The following ATXN1 variants were observed in gnomAD, a reference collection of about 807,000 sequenced individuals.
ATXN1 encodes ataxin 1.
In ATXN1, 8 loss-of-function variants were observed where a neutral mutation model predicts 56.4. The observed-to-expected ratio is 0.14, with a 90% CI of 0.08 to 0.26. The LOEUF is 0.26. ATXN1 is among the 10% of genes least tolerant of loss of function. ATXN1 has a pLI of 1.00. For synonymous variants in ATXN1, 514 were observed against 494.6 expected, an observed-to-expected ratio of 1.04 and a Z score of -0.52; for missense variants, 987 against 1,106.5, an observed-to-expected ratio of 0.89 and a Z score of 1.53.
At chr6:16,477,356 T>C (rs953511851) in intron 6 of ATXN1, among the ~76,000 whole-genome samples, 2 of 152,234 alleles carry the variant, frequency 1.3e-5, no homozygotes, top group African/African-American at 2.4e-5. Context: ...ATCCACAGTA[T>C]TTCTATGTTC....
Position 16,306,040 on chromosome 6 carries a change from G to T in ATXN1, c.*289C>A. The T allele has an allele frequency of 3.5e-6, 1 of 282,610 alleles. No individual in the cohort carries two copies. The highest frequency in any genetic ancestry group is 6.8e-6 in the Non-Finnish European group (1 of 147,540). The allele number at this position is 282,610 out of a possible 1,614,324, so 17.5% of individuals were successfully genotyped here. A position where few individuals can be genotyped will look rare whatever the true frequency, so the allele number is the denominator to read the frequency against. Reference sequence around the variant, plus strand: ...GCCCCCGGCTGCTTCTGTGCCGCTAGAGAAGGCAGGCACTGTGAAGCCCCG... The same window carrying T: ...GCCCCCGGCTGCTTCTGTGCCGCTATAGAAGGCAGGCACTGTGAAGCCCCG... On this transcript the variant is annotated 3_prime_UTR_variant, in exon 8 of 8. Transcript: ENST00000436367. The surrounding 1 kb of genome is among the most constrained non-coding windows in gnomAD (Gnocchi z 5.2).
At chr6:16,545,862 C>A (rs1005710935) in intron 4 of ATXN1, among the ~76,000 whole-genome samples, 6 of 152,150 alleles carry the variant, frequency 3.9e-5, no homozygotes, top group Non-Finnish European at 7.3e-5. Flanking sequence ...TTAAAGTACT[C>A]TAATCTTTTG....
intron 2 of ATXN1, among the ~76,000 whole-genome samples, chr6:16,665,902 T>C (rs974098128): frequency 6.6e-6 from 1 of 152,254 alleles, no homozygotes; most frequent in Non-Finnish European, 1.5e-5. Context: ...TGGGTACATG[T>C]GATTTTTTGA....
intron 6 of ATXN1, among the ~76,000 whole-genome samples, chr6:16,355,328 G>A (rs1014950444): frequency 3.3e-5 from 5 of 152,190 alleles, no homozygotes; most frequent in African/African-American, 1.2e-4. Flanking sequence ...GAAAACTGCA[G>A]CAGGAATTTG....
intron 7 of ATXN1, among the ~76,000 whole-genome samples, chr6:16,317,493 T>C (rs1247860942): frequency 6.6e-6 from 1 of 152,050 alleles, no homozygotes; most frequent in South Asian, 2.1e-4. Context: ...CCAGGCTAAT[T>C]TTTTTGTATT....
At chr6:16,707,726 T>G (rs1241536027) in intron 2 of ATXN1, among the ~76,000 whole-genome samples, 1 of 152,076 alleles carries the variant, frequency 6.6e-6, no homozygotes, top group Admixed American at 6.5e-5. Flanking sequence ...AGAGAAGAGG[T>G]CCAATGGTTA....
chr6:16,611,426 A>G (rs1763103537), intron 3 of ATXN1, among the ~76,000 whole-genome samples: 1 of 152,236 alleles, frequency 6.6e-6, no homozygotes, highest in Admixed American at 6.5e-5. Context: ...ATAAAACCAA[A>G]AGAATAAAAA....
At chr6:16,501,691 A>C (rs1040535574) in intron 5 of ATXN1, among the ~76,000 whole-genome samples, 1 of 151,984 alleles carries the variant, frequency 6.6e-6, no homozygotes, top group Non-Finnish European at 1.5e-5. Context: ...CATGGTGTAT[A>C]TTTACCACAT....
intron 6 of ATXN1, among the ~76,000 whole-genome samples, chr6:16,383,248 A>G (rs1038704937): frequency 3.3e-5 from 5 of 152,214 alleles, no homozygotes; most frequent in African/African-American, 4.8e-5. Flanking sequence ...ATGACTTGCT[A>G]TATTTTTCTT....
intron 4 of ATXN1, among the ~76,000 whole-genome samples, chr6:16,560,407 T>C (rs12664074): frequency 0.13 from 20,185 of 151,490 alleles, 2,038 homozygotes; most frequent in East Asian, 0.53. Flanking sequence ...CCAGTTTGGA[T>C]AGCAAGAGCG....
intron 6 of ATXN1, among the ~76,000 whole-genome samples, chr6:16,390,503 G>A (rs1165799165): frequency 6.6e-6 from 1 of 152,038 alleles, no homozygotes; most frequent in Non-Finnish European, 1.5e-5. Context: ...TTTAGAACTT[G>A]GGTTGTTAGA....
chr6:16,472,139 C>T (rs1760232214), intron 6 of ATXN1, among the ~76,000 whole-genome samples: 1 of 152,154 alleles, frequency 6.6e-6, no homozygotes, highest in South Asian at 2.1e-4. Flanking sequence ...AGTGAAATAA[C>T]ACGCAGGTGG....
At chr6:16,524,297 G>T (rs369979104) in intron 4 of ATXN1, among the ~76,000 whole-genome samples, 1 of 152,160 alleles carries the variant, frequency 6.6e-6, no homozygotes, top group Admixed American at 6.5e-5. Context: ...AAAGACAAAG[G>T]TTATGCTCCA....
intron 3 of ATXN1, among the ~76,000 whole-genome samples, chr6:16,630,332 C>T (rs1050471916): frequency 6.6e-6 from 1 of 152,138 alleles, no homozygotes; most frequent in African/African-American, 2.4e-5. Context: ...GCTGAAGTTG[C>T]GAGGTCCATT....
At chr6:16,507,405 C>A (rs1383578397) in intron 5 of ATXN1, among the ~76,000 whole-genome samples, 1 of 152,192 alleles carries the variant, frequency 6.6e-6, no homozygotes, top group East Asian at 1.9e-4. Flanking sequence ...CTAGGAAAGA[C>A]TGACCTTTGA....
In ATXN1 at chr6:16,761,326, G is replaced by T. The variant is rs986052643; in HGVS notation, c.-758C>A. 1.5e-5 allele frequency: 7 copies of T among 455,926 alleles called. No homozygotes were observed. The highest frequency in any genetic ancestry group is 6.0e-5 in the African/African-American group (3 of 49,820). 28.2% of individuals were successfully genotyped at this position (455,926 alleles called of 1,614,324 possible). A position where few individuals can be genotyped will look rare whatever the true frequency, so the allele number is the denominator to read the frequency against. ...AAAGTGTAAATGGATCTGGGGTTGC[G>T]TGGGGAAGGGGGGGCAGAGGGAGAG... On this transcript the variant is annotated 5_prime_UTR_variant, in exon 1 of 8. Transcript: ENST00000436367.
At chr6:16,480,266 C>T (rs571029819) in intron 6 of ATXN1, among the ~76,000 whole-genome samples, 2 of 151,140 alleles carry the variant, frequency 1.3e-5, no homozygotes, top group East Asian at 1.9e-4. Context: ...TCAAACCAAA[C>T]AATTTCTGAT....
intron 5 of ATXN1, among the ~76,000 whole-genome samples, chr6:16,502,695 T>C (rs769462295): frequency 6.6e-6 from 1 of 152,084 alleles, no homozygotes; most frequent in South Asian, 2.1e-4. Context: ...GTCTCAGAAA[T>C]AGACAAGAAA....
chr6:16,522,035 CT>C (rs545888362), intron 5 of ATXN1, among the ~76,000 whole-genome samples: 141 of 152,318 alleles, frequency 9.3e-4, no homozygotes, highest in Non-Finnish European at 1.3e-3. Flanking sequence ...CAAAAAGAAT[CT>C]GCAGATTCCA....
Sources: gnomAD v4.1 joint callset for allele counts (sites outside exome capture counted in the v4.1 genomes callset) on GRCh38, gnomAD v4.1.1 for gene constraint, Gnocchi (gnomAD v3.1) non-coding constraint, MANE v1.5 for transcripts, NCBI Gene and HGNC (gene_info 2026-07-23, HGNC 2026-07-21) for gene names.